The following WWOX variants were observed in gnomAD, a reference collection of about 807,000 sequenced individuals.
WWOX encodes WW domain-containing oxidoreductase.
In WWOX, 69 loss-of-function variants were observed where a neutral mutation model predicts 46.2. The observed-to-expected ratio is 1.49, with a 90% confidence interval of 1.23 to 1.82. WWOX has a LOEUF of 1.82. WWOX is among the 40% of genes most tolerant of loss of function. The pLI, the probability that WWOX is intolerant of heterozygous loss-of-function variation, is 0.00. For missense variants in WWOX, 919 were observed against 542.6 expected (o/e 1.69, Z -6.89); for synonymous variants, 359 against 202.6 (o/e 1.77, Z -6.56).
At chr16:78,119,333 C>T (rs368242156) in intron 4 of WWOX, among the ~76,000 whole-genome samples, 41 of 152,286 alleles carry the variant, frequency 2.7e-4, no homozygotes, top group African/African-American at 9.1e-4. Flanking sequence ...TGAGGAAGGT[C>T]CCTGCTTCGT....
chr16:78,419,927 T>G (rs1380965078), intron 6 of WWOX, among the ~76,000 whole-genome samples: 1 of 151,992 alleles, frequency 6.6e-6, no homozygotes, highest in Non-Finnish European at 1.5e-5. Context: ...ATAAAGAACT[T>G]TTACAATTCA....
chr16:78,495,813 G>C (rs113809546), intron 8 of WWOX: 1 of 152,284 alleles, frequency 6.6e-6, no homozygotes, highest in African/African-American at 2.4e-5. Context: ...CGGCCAGGAA[G>C]ATGGTCATGT....
chr16:78,532,856 G>A (rs1763127271), intron 8 of WWOX, among the ~76,000 whole-genome samples: 1 of 152,174 alleles, frequency 6.6e-6, no homozygotes, highest in African/African-American at 2.4e-5. Context: ...GGGAATTCAA[G>A]AAGAGATTTG....
chr16:79,064,581 A>G (rs990042177), intron 8 of WWOX, among the ~76,000 whole-genome samples: 6 of 152,206 alleles, frequency 3.9e-5, no homozygotes, highest in African/African-American at 1.4e-4. Flanking sequence ...CTTATCAAGC[A>G]CAGGAAATAG....
At chr16:78,650,432 G>A (rs1574442) in intron 8 of WWOX, among the ~76,000 whole-genome samples, 32,491 of 152,046 alleles carry the variant, frequency 0.21, 3,557 homozygotes, top group Non-Finnish European at 0.23. Flanking sequence ...ATTGGTGTCC[G>A]TGTGCCTTGC....
At chr16:78,875,922 C>T (rs1312006154) in intron 8 of WWOX, among the ~76,000 whole-genome samples, 1 of 152,144 alleles carries the variant, frequency 6.6e-6, no homozygotes, top group African/African-American at 2.4e-5. Context: ...ACCATTTAGC[C>T]TATTAGTACC....
intron 8 of WWOX, among the ~76,000 whole-genome samples, chr16:78,721,285 T>C (rs2048683437): frequency 6.6e-6 from 1 of 152,224 alleles, no homozygotes; most frequent in Non-Finnish European, 1.5e-5. Context: ...ACTACTTCTT[T>C]CCATTATTCT....
At chr16:78,911,843 G>C (rs2045120264) in intron 8 of WWOX, among the ~76,000 whole-genome samples, 1 of 152,042 alleles carries the variant, frequency 6.6e-6, no homozygotes, top group South Asian at 2.1e-4. Flanking sequence ...TCCAGCCTGG[G>C]TGACAGAGCA....
chr16:78,848,595 G>C (rs1028548581), intron 8 of WWOX, among the ~76,000 whole-genome samples: 3 of 152,076 alleles, frequency 2.0e-5, no homozygotes, highest in Non-Finnish European at 2.9e-5. Flanking sequence ...GAGGAAACAG[G>C]GTGCAGAGTG....
intron 8 of WWOX, among the ~76,000 whole-genome samples, chr16:78,801,580 A>C (rs1055147402): frequency 1.3e-5 from 2 of 152,168 alleles, no homozygotes; most frequent in African/African-American, 4.8e-5. Context: ...GAATGCAGCC[A>C]AAGTCCTTAC....
chr16:78,692,037 C>T (rs1213865905), intron 8 of WWOX, among the ~76,000 whole-genome samples: 1 of 152,194 alleles, frequency 6.6e-6, no homozygotes, highest in East Asian at 1.9e-4. Flanking sequence ...GTGCCTTTTG[C>T]CTACCACCAT....
At chr16:78,804,732 T>C (rs1205072741) in intron 8 of WWOX, among the ~76,000 whole-genome samples, 2 of 152,256 alleles carry the variant, frequency 1.3e-5, no homozygotes, top group Non-Finnish European at 2.9e-5. Context: ...ATGTGATAAT[T>C]TTAAAATGCT....
intron 8 of WWOX, among the ~76,000 whole-genome samples, chr16:79,098,665 G>A (rs145550813): frequency 4.6e-5 from 7 of 152,182 alleles, no homozygotes; most frequent in Non-Finnish European, 8.8e-5. Flanking sequence ...AATGTGCAGG[G>A]TGTAGAAGAA....
At chr16:79,168,431 C>T (rs1393649337) in intron 8 of WWOX, among the ~76,000 whole-genome samples, 1 of 152,090 alleles carries the variant, frequency 6.6e-6, no homozygotes, top group Non-Finnish European at 1.5e-5. Context: ...AAGGAGTGTT[C>T]TCAGGTAACT....
rs1229780052 is a variant in WWOX, at chr16:78,702,042, T to TATATATATATATAA, written c.1056+269293_1056+269294insTATATATATAAATA. Among the ~76,000 whole-genome samples the TATATATATATATAA allele has an allele frequency of 2.6e-4, 31 of 120,920 alleles. 1 individual carries two copies. The highest frequency in any genetic ancestry group is 1.1e-3 in the African/African-American group (30 of 26,608). The allele number at this position is 120,920 out of a possible 152,430, so 79.3% of individuals were successfully genotyped here. ...ATATATATATATATATATATATATA[T>TATATATATATATAA]ATAAAATAATGCAGAAGTTTTATAT... is the stretch of plus-strand genomic sequence containing the variant. On this transcript the variant is annotated intron_variant, in intron 8 of 8. Transcript: ENST00000566780.
intron 8 of WWOX, among the ~76,000 whole-genome samples, chr16:78,503,460 AT>A (rs548348144): frequency 0.016 from 2,285 of 146,792 alleles, 17 homozygotes; most frequent in Middle Eastern, 0.024. Flanking sequence ...AAAAAAAAAA[AT>A]TTTTTTTTGA....
At chr16:79,025,015 C>A (rs146606589) in intron 8 of WWOX, among the ~76,000 whole-genome samples, 5 of 152,146 alleles carry the variant, frequency 3.3e-5, no homozygotes, top group South Asian at 4.1e-4. Flanking sequence ...AATGAAGCAC[C>A]GCCAGGCCCA....
chr16:79,024,447 G>C (rs564051880), intron 8 of WWOX, among the ~76,000 whole-genome samples: 1 of 151,662 alleles, frequency 6.6e-6, no homozygotes, highest in East Asian at 1.9e-4. Context: ...TTTTTTCTTT[G>C]TTTTGAGACG....
chr16:78,672,738 G>C (rs189964895), intron 8 of WWOX, among the ~76,000 whole-genome samples: 67 of 152,346 alleles, frequency 4.4e-4, no homozygotes, highest in African/African-American at 1.5e-3. Flanking sequence ...CTGGTCTGCA[G>C]CCCCCCATTT....
Sources: allele counts gnomAD v4.1 joint callset (sites outside exome capture counted in the v4.1 genomes callset), GRCh38; gene constraint gnomAD v4.1.1; transcripts MANE v1.5; gene names NCBI Gene and HGNC (gene_info 2026-07-23, HGNC 2026-07-21).